The following SLC22A23 variants were observed in gnomAD, a reference collection of about 807,000 sequenced individuals.
The protein encoded by SLC22A23 is solute carrier family 22 member 23.
SLC22A23 carries 26 observed loss-of-function variants against 61.0 expected under a neutral mutation model. The observed-to-expected ratio is 0.43, with a 90% confidence interval of 0.31 to 0.59. SLC22A23 has a LOEUF of 0.59. Among genes scored for constraint, SLC22A23 ranks in the 20% least tolerant of loss-of-function variants. The pLI, the probability that SLC22A23 is intolerant of heterozygous loss-of-function variation, is 0.11. For synonymous variants in SLC22A23, 430 were observed against 413.9 expected (o/e 1.04, Z -0.47); for missense variants, 796 against 934.7 (o/e 0.85, Z 1.94).
rs1431029784 is a variant in SLC22A23, at chr6:3,296,260, G to A, written c.1210+1831C>T. 6.6e-5 allele frequency among the ~76,000 whole-genome samples: 10 copies of A among 152,210 alleles called. No individual in the cohort carries two copies. In the East Asian group the frequency reaches 7.7e-4, roughly 12 times the overall value. On this transcript the variant is annotated intron_variant, in intron 5 of 9. Transcript: ENST00000406686. ...CTGGATTGAGTACTCACTACTCAGC[G>A]CAGGGAAGTTTGTATCTATCCAGAG...
chr6:3,277,813 C>G (rs993101605), intron 9 of SLC22A23, among the ~76,000 whole-genome samples: 2 of 152,240 alleles, frequency 1.3e-5, no homozygotes, highest in Non-Finnish European at 2.9e-5. Flanking sequence ...GTACAAGGTA[C>G]AAATAACGTA....
At chr6:3,447,289 C>G (rs371818586) in intron 1 of SLC22A23, among the ~76,000 whole-genome samples, 2 of 152,192 alleles carry the variant, frequency 1.3e-5, no homozygotes, top group South Asian at 4.1e-4. Context: ...CTACTCAAAC[C>G]TCAGCTCTCA....
intron 1 of SLC22A23, among the ~76,000 whole-genome samples, chr6:3,432,998 C>A (rs1167261082): frequency 1.3e-5 from 2 of 152,224 alleles, no homozygotes; most frequent in African/African-American, 4.8e-5. Context: ...GGCTTTGTGG[C>A]TCTTTGCAGC....
At position 3,387,893 on chromosome 6, in the gene SLC22A23, G is replaced by C. The variant is rs1767412188; in HGVS notation, c.913+22295C>G. Among the ~76,000 whole-genome samples, 1 of 152,224 alleles carries C rather than the reference G, an allele frequency of 6.6e-6. No homozygotes were observed. The highest frequency in any genetic ancestry group is 1.5e-5 in the Non-Finnish European group (1 of 68,036). ...AGGCCGCAGCGAGGATGTCCTGGCA[G>C]CCCACGACAGTCTGTGCCACGGCAT... On this transcript the variant is annotated intron_variant, in intron 3 of 9. Coordinates refer to ENST00000406686, the MANE Select transcript of SLC22A23 (RefSeq NM_015482.2). This position sits in a 1 kb window ranked among gnomAD's most constrained non-coding sequence, Gnocchi z 5.0.
chr6:3,312,458 ACT>A (rs941460271), intron 4 of SLC22A23: 11 of 152,226 alleles, frequency 7.2e-5, no homozygotes, highest in African/African-American at 2.6e-4. Flanking sequence ...GAACAAGGGC[ACT>A]CTGTCGCTTC....
At chr6:3,404,514 G>C (rs182437139) in intron 3 of SLC22A23, among the ~76,000 whole-genome samples, 79 of 152,304 alleles carry the variant, frequency 5.2e-4, no homozygotes, top group Middle Eastern at 3.4e-3. Context: ...TAGAGAGAAA[G>C]GCCTGAGTAA....
chr6:3,358,559 C>CG (rs928544084), intron 3 of SLC22A23, among the ~76,000 whole-genome samples: 20 of 151,772 alleles, frequency 1.3e-4, no homozygotes, highest in Non-Finnish European at 7.4e-5. Context: ...TGATGGTTGC[C>CG]GGGGGTAGAG....
chr6:3,342,965 A>G lies in SLC22A23; in HGVS notation c.914-18963T>C, dbSNP rs1273314168. ...GAGACAAGAAATAGTGGGAAATGACAGAGAAATACACGGGGGAAATAATAT... is the reference window on the plus strand; with the variant it reads ...GAGACAAGAAATAGTGGGAAATGACGGAGAAATACACGGGGGAAATAATAT... On this transcript the variant is annotated intron_variant, in intron 3 of 9. Transcript: ENST00000406686. This position sits in a 1 kb window ranked among gnomAD's most constrained non-coding sequence, Gnocchi z 4.0. Among the ~76,000 whole-genome samples, 1 of 152,230 alleles carries G rather than the reference A, an allele frequency of 6.6e-6. No individual in the cohort carries two copies. The highest frequency in any genetic ancestry group is 2.4e-5 in the African/African-American group (1 of 41,470).
At chr6:3,275,744 A>G (rs1758834214) in intron 9 of SLC22A23, among the ~76,000 whole-genome samples, 1 of 152,164 alleles carries the variant, frequency 6.6e-6, no homozygotes, top group Non-Finnish European at 1.5e-5. Context: ...CACCATGCCC[A>G]GCTAATTTTT....
At chr6:3,421,011 G>T (rs1770096330) in intron 1 of SLC22A23, among the ~76,000 whole-genome samples, 1 of 151,914 alleles carries the variant, frequency 6.6e-6, no homozygotes, top group African/African-American at 2.4e-5. Flanking sequence ...TACGGCATGA[G>T]AATTGCTTGA....
chr6:3,449,119 G>C (rs2127557909), intron 1 of SLC22A23, among the ~76,000 whole-genome samples: 1 of 152,296 alleles, frequency 6.6e-6, no homozygotes, highest in Non-Finnish European at 1.5e-5. Context: ...TGAAATGCTG[G>C]TTATATCCTC....
chr6:3,351,575 C>G (rs574662543), intron 3 of SLC22A23, among the ~76,000 whole-genome samples: 17 of 152,242 alleles, frequency 1.1e-4, no homozygotes, highest in Non-Finnish European at 2.1e-4. Flanking sequence ...AGTCAACAGC[C>G]CTCTCTGTGG....
intron 5 of SLC22A23, among the ~76,000 whole-genome samples, chr6:3,294,131 T>C (rs962925154): frequency 6.6e-6 from 1 of 152,320 alleles, no homozygotes; most frequent in East Asian, 1.9e-4. Context: ...TCAGCCTCTT[T>C]GGGCCCGTTC....
Position 3,276,194 on chromosome 6 carries a change from T to C in SLC22A23, c.1704-2782A>G, listed in dbSNP as rs1002426283. Among the ~76,000 whole-genome samples the C allele has an allele frequency of 2.0e-4, 30 of 152,310 alleles. No homozygotes were observed. In the Middle Eastern group the frequency reaches 0.014, roughly 69 times the overall value. ...TGCTCTGCCTTTTCTCCCTCTAATG[T>C]AGAAATGACTGCCTCTCTGTTGGTT... On this transcript the variant is annotated intron_variant, in intron 9 of 9. Coordinates refer to ENST00000406686, the MANE Select transcript of SLC22A23 (RefSeq NM_015482.2).
intron 9 of SLC22A23, among the ~76,000 whole-genome samples, chr6:3,277,359 G>A (rs879314461): frequency 1.1e-4 from 16 of 145,474 alleles, no homozygotes; most frequent in Middle Eastern, 3.4e-3. Context: ...CTTCACACCC[G>A]CCCACCCTCA....
chr6:3,398,120 G>A (rs891901289), intron 3 of SLC22A23, among the ~76,000 whole-genome samples: 2 of 152,156 alleles, frequency 1.3e-5, no homozygotes, highest in Non-Finnish European at 2.9e-5. Context: ...TGCACACTTA[G>A]CAATGCCAGT....
Position 3,323,883 on chromosome 6 carries a change from G to A in SLC22A23, c.1033C>T (p.Leu345=), listed in dbSNP as rs1763115669. 2.5e-6 allele frequency: 4 copies of A among 1,613,984 alleles called. No individual in the cohort carries two copies. Among genetic ancestry groups the A allele is most frequent in the East Asian group, 2.2e-5 (1 of 44,890 alleles). The part of the protein sequence containing the change: ...LAALCRDWQV[L]QALIICPFLL... Reference sequence around the variant, plus strand: ...AAGGGGCAGATGATGAGGGCCTGCAGCACCTGCCAATCCCGGCACAGGGCG... The same window carrying A: ...AAGGGGCAGATGATGAGGGCCTGCAACACCTGCCAATCCCGGCACAGGGCG... Residue 345 remains leucine, a synonymous_variant, in exon 4 of 10, where the codon CTG becomes TTG. Transcript: ENST00000406686.
intron 5 of SLC22A23, among the ~76,000 whole-genome samples, chr6:3,292,819 C>T (rs145995901): frequency 1.8e-3 from 270 of 152,340 alleles, no homozygotes; most frequent in African/African-American, 6.2e-3. Flanking sequence ...CCTTGAGGGC[C>T]GGATGGGAGA....
chr6:3,447,426 T>C (rs1360825663), intron 1 of SLC22A23, among the ~76,000 whole-genome samples: 3 of 152,208 alleles, frequency 2.0e-5, no homozygotes, highest in African/African-American at 4.8e-5. Flanking sequence ...GATTATTACT[T>C]GATCAGTTTG....
Sources: gnomAD v4.1 joint callset for allele counts (sites outside exome capture counted in the v4.1 genomes callset) on GRCh38, gnomAD v4.1.1 for gene constraint, Gnocchi (gnomAD v3.1) non-coding constraint, MANE v1.5 for transcripts, NCBI Gene and HGNC (gene_info 2026-07-23, HGNC 2026-07-21) for gene names.